The following GLDC variants were observed in gnomAD, a reference collection of about 807,000 sequenced individuals.
GLDC encodes the protein glycine dehydrogenase (decarboxylating), mitochondrial.
Under a neutral mutation model 121.3 loss-of-function variants are expected in GLDC, and 104 were observed. The observed-to-expected ratio is 0.86, with a 90% CI of 0.73 to 1.01. GLDC has a LOEUF of 1.01. Among genes scored for constraint, GLDC ranks in the 50% least tolerant of loss-of-function variants. The probability of loss-of-function intolerance (pLI) is 0.00; values close to 1 mark genes in which losing one functional copy is unlikely to be tolerated. For missense variants in GLDC, 1,429 were observed against 1,306.6 expected (o/e 1.09, Z -1.44); for synonymous variants, 546 against 480.6 (o/e 1.14, Z -1.78).
intron 10 of GLDC, 110 bp from the exon 11 acceptor site, chr9:6,592,333 C>G: frequency 1.3e-6 from 1 of 753,044 alleles, no homozygotes; most frequent in Non-Finnish European, 2.4e-6. Context: ...CCCATCATTC[C>G]AAAATATCAG....
rs899736207 is a variant in GLDC, at chr9:6,553,599, T to G, written c.2316-90A>C. 4.8e-5 allele frequency: 62 copies of G among 1,304,604 alleles called. 1 individual carries two copies. In the Admixed American group the frequency reaches 1.1e-3, roughly 22 times the overall value. The allele number at this position is 1,304,604 out of a possible 1,614,324, so 80.8% of individuals were successfully genotyped here. On this transcript the variant is annotated intron_variant, in intron 19 of 24. Transcript: ENST00000321612. ...TCTGGGCCCTCCCAGAAAGCCTTGT[T>G]CTTAGCAGAGGAGCTCTGACAGTGG...
At chr9:6,579,844 C>T (rs1240468786) in intron 15 of GLDC, among the ~76,000 whole-genome samples, 1 of 152,220 alleles carries the variant, frequency 6.6e-6, no homozygotes, top group Non-Finnish European at 1.5e-5. Context: ...CTCTCTGTTG[C>T]TGGGTCCAGT....
chr9:6,613,590 C>T (rs58198154), intron 3 of GLDC, among the ~76,000 whole-genome samples: 1 of 152,124 alleles, frequency 6.6e-6, no homozygotes, highest in African/African-American at 2.4e-5. Context: ...TATTAAATAA[C>T]TTATGAAATA....
intron 18 of GLDC, 163 bp from the exon 19 acceptor site, chr9:6,554,944 G>A (rs373878910): frequency 2.3e-5 from 16 of 683,892 alleles, no homozygotes; most frequent in African/African-American, 8.8e-5. Flanking sequence ...GCCCAGTTCC[G>A]TAGTCACAAA....
chr9:6,580,357 A>G (rs1475515294), intron 15 of GLDC, among the ~76,000 whole-genome samples: 1 of 152,196 alleles, frequency 6.6e-6, no homozygotes, highest in African/African-American at 2.4e-5. Context: ...TGTGCAATAG[A>G]AAAAGCTTTG....
At chr9:6,573,701 C>T (rs1393900237) in intron 15 of GLDC, among the ~76,000 whole-genome samples, 4 of 152,050 alleles carry the variant, frequency 2.6e-5, no homozygotes, top group East Asian at 1.9e-4. Context: ...GAAACAAAAA[C>T]GATGCAAGTG....
chr9:6,533,106 T>G lies in GLDC; in HGVS notation c.2974A>C (p.Ile992Leu). ...FWPTIARIDD[I>L]YGDQHLVCTC... is the part of the protein sequence containing the mutation. ...CAAACCAGGTGCTGATCTCCATATA[T>G]GTCATCAATCCGGGCAATCGTTGGC... Residue 992 changes from isoleucine (I) to leucine (L), a missense_variant, in exon 25 of 25, where the codon ATA (isoleucine) becomes CTA (leucine). Ile to Leu is a conservative substitution (Grantham distance 5, BLOSUM62 2). Transcript: ENST00000321612. 1 of 1,611,940 alleles carries G rather than the reference T, an allele frequency of 6.2e-7. No individual in the cohort carries two copies. Among genetic ancestry groups the G allele is most frequent in the African/African-American group, 1.3e-5 (1 of 74,990 alleles).
chr9:6,559,255 G>T (rs548001256), intron 16 of GLDC, among the ~76,000 whole-genome samples: 6 of 152,004 alleles, frequency 3.9e-5, no homozygotes, highest in Non-Finnish European at 7.4e-5. Context: ...TGGCTCACGC[G>T]TGTAATCCCA....
intron 2 of GLDC, among the ~76,000 whole-genome samples, chr9:6,636,497 G>A (rs369137121): frequency 3.9e-5 from 6 of 152,144 alleles, no homozygotes; most frequent in South Asian, 4.1e-4. Context: ...AAAGTTGGTC[G>A]GGCAAGGTGG....
intron 21 of GLDC, chr9:6,541,035 T>C (rs1817247442): frequency 6.6e-6 from 1 of 152,128 alleles, no homozygotes; most frequent in African/African-American, 2.4e-5. Context: ...GAGGCTGCAG[T>C]GAGCCGCGAT....
chr9:6,555,503 T>C (rs1252727664), intron 18 of GLDC, among the ~76,000 whole-genome samples: 1 of 151,408 alleles, frequency 6.6e-6, no homozygotes, highest in African/African-American at 2.4e-5. Flanking sequence ...GCGTGGTGGA[T>C]CACACCTGTA....
At chr9:6,574,782 T>C (rs1196937397) in intron 15 of GLDC, among the ~76,000 whole-genome samples, 1 of 151,970 alleles carries the variant, frequency 6.6e-6, no homozygotes, top group Admixed American at 6.6e-5. Context: ...GCCCCCAGAG[T>C]ACTCTGTTTC....
intron 8 of GLDC, among the ~76,000 whole-genome samples, chr9:6,598,615 T>TAACA (rs1295837984): frequency 6.6e-6 from 1 of 152,148 alleles, no homozygotes; most frequent in African/African-American, 2.4e-5. Context: ...AGTCATCTCC[T>TAACA]AACAAAACAG....
chr9:6,634,049 C>G (rs924613279), intron 2 of GLDC, among the ~76,000 whole-genome samples: 3 of 151,698 alleles, frequency 2.0e-5, no homozygotes, highest in East Asian at 4.0e-4. Flanking sequence ...CCAGGATGGT[C>G]TCGATCTCCT....
intron 15 of GLDC, among the ~76,000 whole-genome samples, chr9:6,567,884 G>A (rs1817882912): frequency 6.6e-6 from 1 of 152,152 alleles, no homozygotes; most frequent in Non-Finnish European, 1.5e-5. Flanking sequence ...CTTCAACAGG[G>A]AATATATAGA....
intron 3 of GLDC, among the ~76,000 whole-genome samples, chr9:6,615,076 C>T (rs117871988): frequency 0.012 from 1,774 of 152,298 alleles, 20 homozygotes; most frequent in Non-Finnish European, 0.018. Context: ...AATAACTAAA[C>T]GTCGCTCTAG....
intron 2 of GLDC, among the ~76,000 whole-genome samples, chr9:6,635,582 A>C (rs1819484859): frequency 6.6e-6 from 1 of 152,110 alleles, no homozygotes; most frequent in Non-Finnish European, 1.5e-5. Flanking sequence ...AAATAATAAT[A>C]ATAATAGGAT....
At position 6,536,108 on chromosome 9, in the gene GLDC, C is replaced by T; in HGVS notation, c.2794G>A (p.Asp932Asn). ...GGGTCGATGCGGCCCTCCTCAATGT[C>T]AGCAATTTCCTGCCGAATGCTGATC... ...AMISIRQEIADIEEGRIDPRV... is the reference protein window; with the variant it reads ...AMISIRQEIANIEEGRIDPRV... The change falls in exon 23 of 25, where the codon GAC becomes AAC. Residue 932 changes from aspartate to asparagine, a missense_variant. Coordinates refer to ENST00000321612, the MANE Select transcript of GLDC (RefSeq NM_000170.3). 6.2e-7 allele frequency: 1 copy of T among 1,614,176 alleles called. No individual in the cohort carries two copies. The highest frequency in any genetic ancestry group is 8.5e-7 in the Non-Finnish European group (1 of 1,180,010).
At chr9:6,536,270 A>G in intron 22 of GLDC, 34 bp from the exon 23 acceptor site, 20 of 1,587,834 alleles carry the variant, frequency 1.3e-5, no homozygotes, top group Non-Finnish European at 1.6e-5. Flanking sequence ...TGCCTCACTG[A>G]AGGTCAGTGG....
Sources: allele counts gnomAD v4.1 joint callset (sites outside exome capture counted in the v4.1 genomes callset), GRCh38; gene constraint gnomAD v4.1.1; transcripts MANE v1.5; gene names NCBI Gene and HGNC (gene_info 2026-07-23, HGNC 2026-07-21).